GRM8: variants seen among roughly 807,000 people sequenced by gnomAD.
The protein encoded by GRM8 is metabotropic glutamate receptor 8.
GRM8 carries 47 observed loss-of-function variants against 87.2 expected under a neutral mutation model. The ratio of observed to expected loss-of-function variants is 0.54; its 90% CI spans 0.43 to 0.69. The LOEUF is 0.69. Ranked by LOEUF, GRM8 falls within the 30% of genes least tolerant of loss-of-function variation. The probability of loss-of-function intolerance (pLI) is 0.00; values close to 1 mark genes in which losing one functional copy is unlikely to be tolerated. For missense variants in GRM8, 1,019 were observed against 1,139.2 expected (o/e 0.89, Z 1.52); for synonymous variants, 396 against 404.5 (o/e 0.98, Z 0.25).
intron 2 of GRM8, among the ~76,000 whole-genome samples, chr7:127,231,069 T>C (rs1334520477): frequency 2.6e-5 from 4 of 152,188 alleles, no homozygotes; most frequent in African/African-American, 9.7e-5. Flanking sequence ...AGAGTCTTCT[T>C]TTCTTTCATA....
chr7:126,897,786 T>C (rs1801687598), intron 6 of GRM8, among the ~76,000 whole-genome samples: 1 of 152,174 alleles, frequency 6.6e-6, no homozygotes, highest in Non-Finnish European at 1.5e-5. Flanking sequence ...ATTACCTCAC[T>C]TGGAATTTGG....
intron 7 of GRM8, among the ~76,000 whole-genome samples, chr7:126,706,061 T>C (rs920457744): frequency 2.6e-5 from 4 of 152,162 alleles, no homozygotes; most frequent in Non-Finnish European, 5.9e-5. Context: ...ATGGTTGATA[T>C]TAATTTTAAT....
chr7:127,139,001 C>G (rs1828104182), intron 2 of GRM8, among the ~76,000 whole-genome samples: 1 of 152,078 alleles, frequency 6.6e-6, no homozygotes, highest in African/African-American at 2.4e-5. Flanking sequence ...GATAAGAAAC[C>G]ATAAGCAGAC....
intron 3 of GRM8, among the ~76,000 whole-genome samples, chr7:127,097,083 G>A (rs1472934896): frequency 6.6e-6 from 1 of 152,052 alleles, no homozygotes. Context: ...TGGATATTGG[G>A]GGATCTTTCC....
At position 126,446,118 on chromosome 7, in the gene GRM8, T is replaced by A. The variant is rs773146949; in HGVS notation, c.2677+8A>T. On this transcript the variant is annotated splice_region_variant and intron_variant, in intron 10 of 10. Coordinates refer to ENST00000339582, the MANE Select transcript of GRM8 (RefSeq NM_000845.3). ...TCTTGACCATCGGAAACTCTACAGA[T>A]GACTTACTGTTGGTTTCAAGACTCT... The A allele has an allele frequency of 4.3e-6, 7 of 1,612,558 alleles. No individual in the cohort carries two copies. Among genetic ancestry groups the A allele is most frequent in the Non-Finnish European group, 2.5e-6 (3 of 1,178,858 alleles).
intron 7 of GRM8, among the ~76,000 whole-genome samples, chr7:126,751,407 T>C (rs912492165): frequency 6.6e-6 from 1 of 150,952 alleles, no homozygotes; most frequent in Admixed American, 6.7e-5. Flanking sequence ...TTACTACCTT[T>C]TCTATTGTGT....
intron 7 of GRM8, among the ~76,000 whole-genome samples, chr7:126,615,034 A>G (rs1256866714): frequency 1.3e-5 from 2 of 152,186 alleles, no homozygotes; most frequent in African/African-American, 4.8e-5. Context: ...CACCACAAAG[A>G]TACTCCTCGA....
At chr7:127,149,331 C>T (rs1428210999) in intron 2 of GRM8, among the ~76,000 whole-genome samples, 1 of 151,892 alleles carries the variant, frequency 6.6e-6, no homozygotes, top group African/African-American at 2.4e-5. Context: ...TACCATTAGT[C>T]ATAAGAGAAA....
At chr7:126,535,881 A>T (rs533980079) in intron 8 of GRM8, among the ~76,000 whole-genome samples, 8 of 152,308 alleles carry the variant, frequency 5.3e-5, no homozygotes, top group African/African-American at 1.9e-4. Context: ...CCACCTAGAA[A>T]GTCATCATCT....
intron 2 of GRM8, among the ~76,000 whole-genome samples, chr7:127,187,446 T>C (rs534266151): frequency 4.9e-4 from 75 of 152,294 alleles, no homozygotes; most frequent in African/African-American, 1.8e-3. Context: ...AAGAACTGCA[T>C]GTCTGTCTGC....
chr7:126,552,654 C>G (rs1454915402), intron 8 of GRM8, among the ~76,000 whole-genome samples: 1 of 152,064 alleles, frequency 6.6e-6, no homozygotes, highest in Non-Finnish European at 1.5e-5. Flanking sequence ...TAAGTATTTA[C>G]TATGTGTTAT....
At chr7:126,803,314 C>T (rs773872623) in intron 6 of GRM8, among the ~76,000 whole-genome samples, 3 of 152,126 alleles carry the variant, frequency 2.0e-5, no homozygotes, top group Non-Finnish European at 2.9e-5. Context: ...GCACAGACTG[C>T]GGGTAGCTCC....
chr7:127,197,246 T>G (rs911800250), intron 2 of GRM8, among the ~76,000 whole-genome samples: 3 of 152,232 alleles, frequency 2.0e-5, no homozygotes, highest in Non-Finnish European at 4.4e-5. Flanking sequence ...AATCTACTTT[T>G]TAAATGCTCA....
chr7:127,092,063 A>G (rs1824191739), intron 3 of GRM8, among the ~76,000 whole-genome samples: 1 of 54,964 alleles, frequency 1.8e-5, no homozygotes, highest in African/African-American at 7.4e-5. Flanking sequence ...ACCTCGCCCC[A>G]CTGGTCATCA....
intron 2 of GRM8, among the ~76,000 whole-genome samples, chr7:127,241,581 G>A (rs985338770): frequency 6.6e-6 from 1 of 151,942 alleles, no homozygotes; most frequent in African/African-American, 2.4e-5. Flanking sequence ...CTACAAGCGT[G>A]TGCCACTATG....
At chr7:126,570,485 A>G (rs6974461) in intron 8 of GRM8, among the ~76,000 whole-genome samples, 3,926 of 152,304 alleles carry the variant, frequency 0.026, 158 homozygotes, top group African/African-American at 0.089. Flanking sequence ...AATTCAAAAT[A>G]TCTCCTGTAC....
At chr7:126,817,304 C>A (rs1793886269) in intron 6 of GRM8, among the ~76,000 whole-genome samples, 1 of 152,086 alleles carries the variant, frequency 6.6e-6, no homozygotes, top group Non-Finnish European at 1.5e-5. Flanking sequence ...CTTATAATTT[C>A]TTGCTATTTT....
At chr7:126,905,741 C>T (rs1478143923) in intron 3 of GRM8, among the ~76,000 whole-genome samples, 1 of 152,060 alleles carries the variant, frequency 6.6e-6, no homozygotes, top group Admixed American at 6.6e-5. Flanking sequence ...AATAAGTTAC[C>T]ATGGAATAGA....
At chr7:126,850,368 G>T (rs754681120) in intron 6 of GRM8, among the ~76,000 whole-genome samples, 2 of 152,074 alleles carry the variant, frequency 1.3e-5, no homozygotes, top group African/African-American at 2.4e-5. Flanking sequence ...CCAGTCCTTA[G>T]AGCTCTTATA....
Sources: allele counts gnomAD v4.1 joint callset (sites outside exome capture counted in the v4.1 genomes callset), GRCh38; gene constraint gnomAD v4.1.1; transcripts MANE v1.5; gene names NCBI Gene and HGNC (gene_info 2026-07-23, HGNC 2026-07-21).